Variants in PDE1C observed in about 807,000 individuals in gnomAD.
PDE1C encodes dual specificity calcium/calmodulin-dependent 3',5'-cyclic nucleotide phosphodiesterase 1C.
A neutral mutation model predicts 93.1 loss-of-function variants in PDE1C; 62 were observed. The observed-to-expected ratio is 0.67, with a 90% CI of 0.54 to 0.82. PDE1C has a LOEUF of 0.82. PDE1C is among the 40% of genes least tolerant of loss of function. The probability of loss-of-function intolerance (pLI) is 0.00; values close to 1 mark genes in which losing one functional copy is unlikely to be tolerated. For missense variants in PDE1C, 742 were observed against 884.6 expected (o/e 0.84, Z 2.04); for synonymous variants, 325 against 310.1 (o/e 1.05, Z -0.50).
intron 2 of PDE1C, among the ~76,000 whole-genome samples, chr7:32,205,067 T>C (rs1023615817): frequency 4.6e-5 from 7 of 152,228 alleles, no homozygotes; most frequent in South Asian, 2.1e-4. Context: ...GCCACACTTA[T>C]TGAGCGCTTG....
intron 2 of PDE1C, among the ~76,000 whole-genome samples, chr7:32,002,341 C>T (rs540894398): frequency 1.1e-4 from 16 of 152,250 alleles, no homozygotes; most frequent in African/African-American, 3.9e-4. Flanking sequence ...TGCTACCCAG[C>T]CAAAGCAGGA....
At chr7:32,346,627 C>T (rs1783857503) in intron 1 of PDE1C, among the ~76,000 whole-genome samples, 1 of 152,224 alleles carries the variant, frequency 6.6e-6, no homozygotes, top group Non-Finnish European at 1.5e-5. Context: ...AAGGAAAAAA[C>T]TTTGTGCTTT....
At chr7:31,979,545 G>A (rs1376681005) in intron 2 of PDE1C, among the ~76,000 whole-genome samples, 4 of 152,102 alleles carry the variant, frequency 2.6e-5, no homozygotes, top group Non-Finnish European at 5.9e-5. Context: ...AGGGGTAAAG[G>A]AACTTGCCCA....
At chr7:32,350,588 ATATTT>A (rs1299649217) in intron 1 of PDE1C, among the ~76,000 whole-genome samples, 1 of 2,696 alleles carries the variant, frequency 3.7e-4, no homozygotes, top group African/African-American at 8.0e-4. Flanking sequence ...ATATATATAT[ATATTT>A]TTTTTTTTTT....
intron 3 of PDE1C, among the ~76,000 whole-genome samples, chr7:32,137,155 A>G (rs968859335): frequency 1.3e-5 from 2 of 152,220 alleles, no homozygotes; most frequent in African/African-American, 2.4e-5. Context: ...AAGACCCTAC[A>G]CAATGTTAAA....
chr7:31,697,628 C>G, the PDE1C span, among the ~76,000 whole-genome samples: 3 of 147,182 alleles, frequency 2.0e-5, no homozygotes, highest in South Asian at 2.1e-4. Context: ...CTGTGAGATA[C>G]AGTCCTTGTC....
the PDE1C span, among the ~76,000 whole-genome samples, chr7:31,620,399 CTCTG>C: frequency 6.6e-6 from 1 of 151,870 alleles, no homozygotes; most frequent in Non-Finnish European, 1.5e-5. Context: ...CCGGGTACTC[CTCTG>C]AGACAAAACT....
At chr7:31,883,851 A>T (rs1470862217) in intron 2 of PDE1C, among the ~76,000 whole-genome samples, 1 of 152,258 alleles carries the variant, frequency 6.6e-6, no homozygotes, top group Non-Finnish European at 1.5e-5. Context: ...AAAATCAGCC[A>T]TTCAGAGGCT....
intron 2 of PDE1C, among the ~76,000 whole-genome samples, chr7:32,042,326 C>CAA (rs919855411): frequency 6.6e-6 from 1 of 151,684 alleles, no homozygotes; most frequent in East Asian, 1.9e-4. Flanking sequence ...AGAAAACAGA[C>CAA]AAAAAAAACT....
At chr7:31,775,515 G>T in intron 17 of PDE1C, 149 bp downstream of exon 17, 1 of 644,758 alleles carries the variant, frequency 1.6e-6, no homozygotes, top group East Asian at 2.8e-5. Context: ...CCTCACAAAT[G>T]AGGGTGACAG....
intron 1 of PDE1C, among the ~76,000 whole-genome samples, chr7:32,344,987 G>A (rs924888286): frequency 6.6e-6 from 1 of 152,092 alleles, no homozygotes; most frequent in Non-Finnish European, 1.5e-5. Flanking sequence ...CTAAAACTGA[G>A]GTTCATGCTA....
chr7:31,700,824 A>C, the PDE1C span, among the ~76,000 whole-genome samples: 1 of 152,178 alleles, frequency 6.6e-6, no homozygotes, highest in South Asian at 2.1e-4. Flanking sequence ...AAATGGAACT[A>C]CAAAGCCTGG....
intron 16 of PDE1C, among the ~76,000 whole-genome samples, chr7:31,794,198 C>T (rs1785016370): frequency 6.6e-6 from 1 of 151,794 alleles, no homozygotes; most frequent in South Asian, 2.1e-4. Context: ...CTTGCCTATG[C>T]CATTAACTCC....
At chr7:32,197,887 T>C (rs546187909) in intron 2 of PDE1C, among the ~76,000 whole-genome samples, 5 of 152,214 alleles carry the variant, frequency 3.3e-5, no homozygotes, top group Non-Finnish European at 5.9e-5. Context: ...TTGATGATGG[T>C]GGCACAACTC....
intron 9 of PDE1C, among the ~76,000 whole-genome samples, chr7:31,846,105 C>T (rs983299038): frequency 2.0e-5 from 3 of 152,020 alleles, no homozygotes; most frequent in East Asian, 3.9e-4. Flanking sequence ...ATATTTAGAT[C>T]GTGTATAATC....
intron 2 of PDE1C, among the ~76,000 whole-genome samples, chr7:31,944,986 TG>T (rs1385851148): frequency 1.3e-5 from 2 of 152,202 alleles, no homozygotes; most frequent in African/African-American, 4.8e-5. Context: ...CTTCCTTGTC[TG>T]GTTTTAACTA....
At chr7:31,985,577 C>T (rs1301813294) in intron 2 of PDE1C, among the ~76,000 whole-genome samples, 4 of 152,036 alleles carry the variant, frequency 2.6e-5, no homozygotes, top group African/African-American at 7.2e-5. Context: ...CCCCCAACCC[C>T]CAGCCCCCGA....
chr7:32,190,106 T>C (rs574065168), intron 2 of PDE1C, among the ~76,000 whole-genome samples: 40 of 152,358 alleles, frequency 2.6e-4, no homozygotes, highest in African/African-American at 9.4e-4. Context: ...GATTGCTCTA[T>C]TGGATTAGGG....
rs577764127 is a variant in PDE1C at position 32,318,587 on chromosome 7, G to A, written c.311-109048C>T. Among the ~76,000 whole-genome samples, 244 of 152,312 alleles carry A rather than the reference G, an allele frequency of 1.6e-3. 1 individual carries two copies. Among genetic ancestry groups the A allele is most frequent in the African/African-American group, 5.5e-3 (227 of 41,572 alleles). On this transcript the variant is annotated intron_variant, in intron 1 of 1. Transcript: ENST00000672256. The stretch of plus-strand genomic sequence containing the variant: ...AAGTGAAAGGGGACCTGCGAGCGGG[G>A]AGTTTTCTGAAAACTGCACAAGCCT...
Sources: allele counts gnomAD v4.1 joint callset (sites outside exome capture counted in the v4.1 genomes callset), GRCh38; gene constraint gnomAD v4.1.1; transcripts MANE v1.5; gene names NCBI Gene and HGNC (gene_info 2026-07-23, HGNC 2026-07-21).